The following STAC variants were observed in gnomAD, a reference collection of about 807,000 sequenced individuals.
STAC encodes SH3 and cysteine rich domain.
Under a neutral mutation model 48.8 loss-of-function variants are expected in STAC, and 43 were observed. The ratio of observed to expected loss-of-function variants is 0.88; its 90% CI spans 0.69 to 1.14. The LOEUF is 1.14. STAC is among the 50% of genes most tolerant of loss of function. STAC has a pLI of 0.00. For synonymous variants in STAC, 193 were observed against 179.5 expected (o/e 1.07, Z -0.60); for missense variants, 497 against 504.0 (o/e 0.99, Z 0.13).
chr3:36,403,512 A>G (rs1327315147), intron 1 of STAC, among the ~76,000 whole-genome samples: 1 of 152,102 alleles, frequency 6.6e-6, no homozygotes, highest in East Asian at 1.9e-4. Flanking sequence ...CAGTAGAAAA[A>G]AAGTTATATG....
intron 2 of STAC, among the ~76,000 whole-genome samples, chr3:36,466,693 G>T (rs942729897): frequency 6.6e-6 from 1 of 152,106 alleles, no homozygotes; most frequent in Non-Finnish European, 1.5e-5. Flanking sequence ...GGTACATTAG[G>T]TTTGTATCCT....
intron 2 of STAC, among the ~76,000 whole-genome samples, chr3:36,478,856 C>G (rs951368274): frequency 6.6e-6 from 1 of 152,140 alleles, no homozygotes; most frequent in African/African-American, 2.4e-5. Flanking sequence ...CTCCTGGCCT[C>G]AAACTCCTGG....
chr3:36,523,563 C>T (rs180869713), intron 8 of STAC, among the ~76,000 whole-genome samples: 154 of 152,228 alleles, frequency 1.0e-3, no homozygotes, highest in Non-Finnish European at 7.2e-4. Flanking sequence ...AAACTCTAGA[C>T]GTAATGTATC....
At chr3:36,522,096 A>G (rs4290765) in intron 8 of STAC, among the ~76,000 whole-genome samples, 1 of 152,000 alleles carries the variant, frequency 6.6e-6, no homozygotes, top group African/African-American at 2.4e-5. Flanking sequence ...TAAAAAAAAG[A>G]AAAAAAAGAT....
chr3:36,521,640 G>A (rs944114861), intron 8 of STAC, among the ~76,000 whole-genome samples: 1 of 152,094 alleles, frequency 6.6e-6, no homozygotes, highest in African/African-American at 2.4e-5. Flanking sequence ...TGAAGTCAAG[G>A]CTATTTCATT....
At chr3:36,527,937 G>A (rs1459016841) in intron 8 of STAC, among the ~76,000 whole-genome samples, 3 of 152,092 alleles carry the variant, frequency 2.0e-5, no homozygotes, top group Admixed American at 6.5e-5. Context: ...GCAAAAGTGT[G>A]CTAGGTTTTG....
At chr3:36,414,420 T>C (rs562192535) in intron 1 of STAC, among the ~76,000 whole-genome samples, 62 of 152,326 alleles carry the variant, frequency 4.1e-4, no homozygotes, top group African/African-American at 1.4e-3. Flanking sequence ...TTCATTTCAT[T>C]CATTTGATCT....
intron 8 of STAC, among the ~76,000 whole-genome samples, chr3:36,510,662 A>G (rs1044520961): frequency 2.0e-5 from 3 of 152,140 alleles, no homozygotes; most frequent in South Asian, 2.1e-4. Context: ...TTGCAGGGAC[A>G]TGGATGAAAC....
chr3:36,521,325 T>C (rs1199427227), intron 8 of STAC, among the ~76,000 whole-genome samples: 2 of 152,106 alleles, frequency 1.3e-5, no homozygotes, highest in African/African-American at 4.8e-5. Context: ...GTGGAGTTAG[T>C]TATAGATTCA....
chr3:36,380,676 C>CCCAAG lies in STAC; in HGVS notation c.33_34insCCAAG (p.Val12ProfsTer32). 6.2e-7 allele frequency: 1 copy of CCCAAG among 1,606,934 alleles called. No homozygotes were observed. Among genetic ancestry groups the CCCAAG allele is most frequent in the South Asian group, 1.1e-5 (1 of 89,570 alleles). ...CTCCGAGCAGCCCCCGCGAGGACGG[C>CCCAAG]GTGGACGGGCTGCCCAAGGAGGCGG... On this transcript the variant is annotated frameshift_variant, in exon 1 of 11. Transcript: ENST00000273183. LOFTEE classifies it high-confidence loss of function.
intron 8 of STAC, among the ~76,000 whole-genome samples, chr3:36,520,183 G>A (rs1017862956): frequency 6.6e-6 from 1 of 152,130 alleles, no homozygotes; most frequent in Non-Finnish European, 1.5e-5. Context: ...TCACAGAGGA[G>A]AAAACTTGAG....
At chr3:36,431,453 C>T (rs1700702623) in intron 1 of STAC, among the ~76,000 whole-genome samples, 1 of 152,204 alleles carries the variant, frequency 6.6e-6, no homozygotes, top group Non-Finnish European at 1.5e-5. Flanking sequence ...CTGGATGGCT[C>T]AGAACCCATA....
At chr3:36,482,796 C>A (rs900569386) in intron 2 of STAC, among the ~76,000 whole-genome samples, 196 bp from the exon 3 acceptor site, 1 of 152,084 alleles carries the variant, frequency 6.6e-6, no homozygotes, top group Non-Finnish European at 1.5e-5. Context: ...GGAGATAAAC[C>A]AGAGTGTATA....
At chr3:36,446,399 A>C (rs1696510163) in intron 2 of STAC, among the ~76,000 whole-genome samples, 1 of 152,116 alleles carries the variant, frequency 6.6e-6, no homozygotes, top group Admixed American at 6.5e-5. Context: ...AGTCTAAGAG[A>C]CTTCTGAGCT....
At chr3:36,446,858 T>C (rs870446) in intron 2 of STAC, among the ~76,000 whole-genome samples, 39,410 of 152,194 alleles carry the variant, frequency 0.26, 5,511 homozygotes, top group Middle Eastern at 0.32. Flanking sequence ...AAAAATGTAT[T>C]TCATTGCCTA....
At chr3:36,518,684 C>A (rs1301661896) in intron 8 of STAC, among the ~76,000 whole-genome samples, 2 of 152,166 alleles carry the variant, frequency 1.3e-5, no homozygotes, top group South Asian at 4.1e-4. Flanking sequence ...TCATTTCTCC[C>A]ATTAGTTAGT....
chr3:36,397,343 A>G (rs2125622140), intron 1 of STAC, among the ~76,000 whole-genome samples: 1 of 152,300 alleles, frequency 6.6e-6, no homozygotes, highest in East Asian at 1.9e-4. Context: ...TTTACTGGTC[A>G]TTATTTTCGA....
chr3:36,541,833 C>T (rs1309353956), intron 10 of STAC, among the ~76,000 whole-genome samples: 3 of 152,176 alleles, frequency 2.0e-5, no homozygotes, highest in African/African-American at 7.2e-5. Context: ...TGAGGTGCCT[C>T]TGCTCTGCAT....
At chr3:36,396,910 A>G (rs909621301) in intron 1 of STAC, among the ~76,000 whole-genome samples, 9 of 152,148 alleles carry the variant, frequency 5.9e-5, no homozygotes, top group Admixed American at 2.0e-4. Flanking sequence ...ACATTTTACT[A>G]TCTCCTCCCA....
Sources: allele counts gnomAD v4.1 joint callset (sites outside exome capture counted in the v4.1 genomes callset), GRCh38; gene constraint gnomAD v4.1.1; transcripts MANE v1.5; gene names NCBI Gene and HGNC (gene_info 2026-07-23, HGNC 2026-07-21).